The following CBLB variants were observed in gnomAD, a reference collection of about 807,000 sequenced individuals.
The protein encoded by CBLB is E3 ubiquitin-protein ligase CBL-B.
Under a neutral mutation model 104.9 loss-of-function variants are expected in CBLB, and 31 were observed. That is an observed-to-expected ratio of 0.30 (90% CI 0.22 to 0.40). The LOEUF (loss-of-function observed/expected upper bound fraction) is 0.40, where lower values mean the gene tolerates loss of function less well. CBLB is among the 10% of genes least tolerant of loss of function. CBLB has a pLI of 1.00. For synonymous variants in CBLB, 440 were observed against 422.6 expected (o/e 1.04, Z -0.51); for missense variants, 1,062 against 1,214.6 (o/e 0.87, Z 1.87).
chr3:105,784,669 A>G (rs186604047), intron 3 of CBLB, among the ~76,000 whole-genome samples: 1 of 152,332 alleles, frequency 6.6e-6, no homozygotes, highest in Admixed American at 6.5e-5. Flanking sequence ...TCAAAAAGAC[A>G]TAATTGATCA....
At position 105,657,730 on chromosome 3, in the gene CBLB, C is replaced by T. The variant is rs751348558; in HGVS notation, c.*1240G>A. On this transcript the variant is annotated 3_prime_UTR_variant, in exon 19 of 19. Transcript: ENST00000394030. Reference sequence around the variant, plus strand: ...AAAATAGGCAAAACTACATTAATTTCTTTCACCTGATTTGATAAAGCAGTG... The same window carrying T: ...AAAATAGGCAAAACTACATTAATTTTTTTCACCTGATTTGATAAAGCAGTG... The T allele has an allele frequency of 1.4e-4, 28 of 204,182 alleles. No homozygotes were observed. Among genetic ancestry groups the T allele is most frequent in the Non-Finnish European group, 2.2e-4 (22 of 99,802 alleles). 12.6% of individuals were successfully genotyped at this position (204,182 alleles called of 1,614,324 possible). A position where few individuals can be genotyped will look rare whatever the true frequency, so the allele number is the denominator to read the frequency against.
At chr3:105,864,957 G>T (rs865886386) in intron 2 of CBLB, among the ~76,000 whole-genome samples, 27 of 152,030 alleles carry the variant, frequency 1.8e-4, no homozygotes, top group African/African-American at 6.3e-4. Flanking sequence ...GGCTTCATAA[G>T]AAAAAAATAT....
intron 3 of CBLB, among the ~76,000 whole-genome samples, chr3:105,800,158 G>A (rs570013636): frequency 1.5e-4 from 23 of 152,154 alleles, no homozygotes; most frequent in Admixed American, 9.8e-4. Flanking sequence ...AAACAGAAGC[G>A]GTGGTCAGTG....
chr3:105,869,038 A>AC, upstream of CBLB: 1 of 399,414 alleles, frequency 2.5e-6, no homozygotes, highest in East Asian at 1.5e-4. Flanking sequence ...CACACACAGG[A>AC]CCCAGGCTCG....
intron 4 of CBLB, among the ~76,000 whole-genome samples, chr3:105,769,165 A>C (rs765185471): frequency 6.6e-5 from 10 of 152,034 alleles, no homozygotes; most frequent in Non-Finnish European, 1.0e-4. Flanking sequence ...CATACAAAAA[A>C]AACATTGCCG....
At chr3:105,865,419 C>T (rs2092370700) in intron 2 of CBLB, among the ~76,000 whole-genome samples, 1 of 152,102 alleles carries the variant, frequency 6.6e-6, no homozygotes, top group South Asian at 2.1e-4. Flanking sequence ...GTACATTTGC[C>T]AACACCCGCA....
At chr3:105,754,529 G>GAC (rs1167812014) in intron 4 of CBLB, among the ~76,000 whole-genome samples, 1,892 of 84,252 alleles carry the variant, frequency 0.022, 17 homozygotes, top group Non-Finnish European at 0.029. Flanking sequence ...GAGACAGAGA[G>GAC]AGAGAGAGAG....
At chr3:105,780,660 G>GTTTTTTTTTTTTTTTTTTTTT (rs58640968) in intron 3 of CBLB, among the ~76,000 whole-genome samples, 30 of 94,036 alleles carry the variant, frequency 3.2e-4, no homozygotes, top group African/African-American at 4.3e-4. Context: ...TTTGTTTTTT[G>GTTTTTTTTTTTTTTTTTTTTT]TTTTTTTTTT....
At chr3:105,776,600 T>C (rs1408994903) in intron 3 of CBLB, 58 bp from the exon 4 acceptor site, 1 of 1,423,870 alleles carries the variant, frequency 7.0e-7, no homozygotes, top group Non-Finnish European at 9.9e-7. Context: ...TGCATGCAAA[T>C]TTTTATGGTA....
Position 105,658,297 on chromosome 3 carries a change from T to A in CBLB, c.*673A>T. ...TGTGAAAACCCCTTACAAAAGGCAG[T>A]TTATTGACAAATAAATGCTTTATAC... is the stretch of plus-strand genomic sequence containing the variant. On this transcript the variant is annotated 3_prime_UTR_variant, in exon 19 of 19. Transcript: ENST00000394030. 1 of 221,152 alleles carries A rather than the reference T, an allele frequency of 4.5e-6. No homozygotes were observed. Among genetic ancestry groups the A allele is most frequent in the Middle Eastern group, 1.4e-3 (1 of 694 alleles). The allele number at this position is 221,152 out of a possible 1,614,324, so 13.7% of individuals were successfully genotyped here.
chr3:105,838,071 TTTC>T (rs1577693442), intron 3 of CBLB, among the ~76,000 whole-genome samples: 1 of 128,216 alleles, frequency 7.8e-6, no homozygotes, highest in East Asian at 2.5e-4. Context: ...TACCTTTTTT[TTTC>T]CTTTTTTTCT....
chr3:105,762,095 A>G (rs1431784525), intron 4 of CBLB: 1 of 152,562 alleles, frequency 6.6e-6, no homozygotes, highest in Non-Finnish European at 1.5e-5. Flanking sequence ...ACTTCTAAGC[A>G]GCAAAGCGTT....
chr3:105,685,013 A>G (rs2066834576), intron 14 of CBLB, among the ~76,000 whole-genome samples: 1 of 152,244 alleles, frequency 6.6e-6, no homozygotes, highest in African/African-American at 2.4e-5. Flanking sequence ...AAATTATACT[A>G]GTATGTACAT....
In CBLB at chr3:105,656,173, A is replaced by G. The variant is rs2063329111; in HGVS notation, c.*2797T>C. 1 of 219,836 alleles carries G rather than the reference A, an allele frequency of 4.5e-6. No individual in the cohort carries two copies. The highest frequency in any genetic ancestry group is 9.1e-6 in the Non-Finnish European group (1 of 109,630). The allele number at this position is 219,836 out of a possible 1,614,324, so 13.6% of individuals were successfully genotyped here. ...TAAATTTACTGGAATATAATTGAGG[A>G]TAAGTCCTTCTATCTCCAGAACATG... On this transcript the variant is annotated 3_prime_UTR_variant, in exon 19 of 19. Coordinates refer to ENST00000394030, the MANE Select transcript of CBLB (RefSeq NM_170662.5).
chr3:105,750,304 G>C (rs889870642), intron 5 of CBLB, among the ~76,000 whole-genome samples: 1 of 152,030 alleles, frequency 6.6e-6, no homozygotes. Context: ...GTGCATTGTG[G>C]TTTTTATTAC....
At chr3:105,669,604 A>G (rs955660590) in intron 18 of CBLB, among the ~76,000 whole-genome samples, 1 of 152,166 alleles carries the variant, frequency 6.6e-6, no homozygotes, top group African/African-American at 2.4e-5. Context: ...CAATCAACCA[A>G]ATGAATTCTG....
intron 3 of CBLB, among the ~76,000 whole-genome samples, chr3:105,815,102 T>TAAA (rs2084844960): frequency 6.6e-6 from 1 of 152,136 alleles, no homozygotes; most frequent in Admixed American, 6.6e-5. Flanking sequence ...TCAGAATGTG[T>TAAA]TTATACATCT....
At chr3:105,852,374 T>C (rs2091049523) in intron 3 of CBLB, among the ~76,000 whole-genome samples, 1 of 152,220 alleles carries the variant, frequency 6.6e-6, no homozygotes, top group Non-Finnish European at 1.5e-5. Flanking sequence ...TGTTTGTGTC[T>C]TAGTTTTTAA....
chr3:105,730,767 G>T (rs1450283982), intron 9 of CBLB, among the ~76,000 whole-genome samples: 2 of 152,066 alleles, frequency 1.3e-5, no homozygotes, highest in Non-Finnish European at 2.9e-5. Context: ...TCAATGATCA[G>T]ATTAAGACAA....
Sources: gnomAD v4.1 joint callset for allele counts (sites outside exome capture counted in the v4.1 genomes callset) on GRCh38, gnomAD v4.1.1 for gene constraint, MANE v1.5 for transcripts, NCBI Gene and HGNC (gene_info 2026-07-23, HGNC 2026-07-21) for gene names.